The following PTPN12 variants were observed in gnomAD, a reference collection of about 807,000 sequenced individuals.
PTPN12 encodes the protein tyrosine-protein phosphatase non-receptor type 12.
Under a neutral mutation model 97.6 loss-of-function variants are expected in PTPN12, and 29 were observed. The ratio of observed to expected loss-of-function variants is 0.30; its 90% confidence interval spans 0.22 to 0.41. The LOEUF (loss-of-function observed/expected upper bound fraction) is 0.41. PTPN12 is among the 10% of genes least tolerant of loss of function. PTPN12 has a pLI of 1.00. For synonymous variants in PTPN12, 327 were observed against 300.4 expected, an observed-to-expected ratio of 1.09 and a Z score of -0.91; for missense variants, 819 against 926.0, an observed-to-expected ratio of 0.88 and a Z score of 1.50.
At chr7:77,606,911 G>GGT in intron 8 of PTPN12, 1 of 183,246 alleles carries the variant, frequency 5.5e-6, no homozygotes, top group South Asian at 1.1e-4. Context: ...ACAGTAGTGA[G>GGT]GTAGTGACTA....
chr7:77,557,920 G>C (rs1365670102), intron 1 of PTPN12, among the ~76,000 whole-genome samples: 1 of 152,058 alleles, frequency 6.6e-6, no homozygotes, highest in Admixed American at 6.5e-5. Context: ...TTCAGAAATT[G>C]AGAATAGCGG....
chr7:77,595,109 T>C (rs566602556), intron 6 of PTPN12, among the ~76,000 whole-genome samples: 22 of 152,202 alleles, frequency 1.4e-4, no homozygotes, highest in Non-Finnish European at 2.8e-4. Context: ...GAAAGGTCTC[T>C]AGATAAGTGG....
intron 13 of PTPN12, 136 bp from the exon 14 acceptor site, chr7:77,632,212 G>C (rs1019131614): frequency 1.2e-5 from 8 of 663,710 alleles, no homozygotes; most frequent in Non-Finnish European, 1.9e-5. Flanking sequence ...GAGTGGAAAA[G>C]GTTTCTTGCA....
intron 1 of PTPN12, among the ~76,000 whole-genome samples, chr7:77,569,062 A>G (rs758309487): frequency 1.1e-4 from 17 of 152,156 alleles, no homozygotes; most frequent in Non-Finnish European, 2.1e-4. Context: ...TGAACAGGCA[A>G]TACAGTCATA....
At chr7:77,612,040 A>G (rs1788587685) in intron 11 of PTPN12, among the ~76,000 whole-genome samples, 1 of 146,534 alleles carries the variant, frequency 6.8e-6, no homozygotes, top group Non-Finnish European at 1.5e-5. Flanking sequence ...TATGATAACT[A>G]TTACATTGTT....
intron 3 of PTPN12, among the ~76,000 whole-genome samples, chr7:77,582,989 G>A (rs1338165046): frequency 3.3e-5 from 5 of 151,972 alleles, no homozygotes; most frequent in African/African-American, 1.2e-4. Flanking sequence ...AAAAGTTATA[G>A]TTTTTACTTA....
At position 77,618,389 on chromosome 7, in the gene PTPN12, G is replaced by A. The variant is rs1021067694; in HGVS notation, c.940-91G>A. The A allele has an allele frequency of 1.7e-5, 14 of 842,282 alleles. No homozygotes were observed. In the South Asian group the frequency reaches 2.7e-4, roughly 16 times the overall value. 52.2% of individuals were successfully genotyped at this position (842,282 alleles called of 1,614,324 possible). ...CTTGGCAAAATTGGCATTGTTTAAG[G>A]ATTGAAAAGCACAGAAACAATTTAG... On this transcript the variant is annotated intron_variant, in intron 11 of 17. Transcript: ENST00000248594.
intron 1 of PTPN12, among the ~76,000 whole-genome samples, chr7:77,552,836 A>G (rs948540330): frequency 6.6e-6 from 1 of 152,142 alleles, no homozygotes; most frequent in African/African-American, 2.4e-5. Flanking sequence ...GATTTGAACC[A>G]CTCTCAATCT....
At chr7:77,635,753 T>C in intron 14 of PTPN12, 29 bp from the exon 15 acceptor site, 3 of 1,460,416 alleles carry the variant, frequency 2.1e-6, no homozygotes, top group Non-Finnish European at 2.8e-6. Context: ...TTCAAGGTGT[T>C]AATAACAATA....
In PTPN12 at chr7:77,618,573, A is replaced by G; in HGVS notation, c.1025+8A>G. ...ACCACCAAGGACCCGCAGGTATTGT[A>G]TGTCTTCGAACATTTTCTTTAAAAG... On this transcript the variant is annotated splice_region_variant and intron_variant, in intron 12 of 17. Transcript: ENST00000248594. 1 of 1,568,642 alleles carries G rather than the reference A, an allele frequency of 6.4e-7. No homozygotes were observed. The highest frequency in any genetic ancestry group is 8.8e-7 in the Non-Finnish European group (1 of 1,142,220).
chr7:77,571,552 C>T (rs1052113136), intron 2 of PTPN12, among the ~76,000 whole-genome samples: 1 of 152,202 alleles, frequency 6.6e-6, no homozygotes, highest in South Asian at 2.1e-4. Context: ...TATATCTATA[C>T]ATAAGAACCT....
chr7:77,601,357 A>AT (rs952174156), intron 8 of PTPN12, among the ~76,000 whole-genome samples: 15 of 151,838 alleles, frequency 9.9e-5, no homozygotes, highest in Non-Finnish European at 2.1e-4. Context: ...CACTGAACTA[A>AT]TTTTTTTTAA....
At chr7:77,555,848 G>T (rs764605651) in intron 1 of PTPN12, among the ~76,000 whole-genome samples, 1 of 151,912 alleles carries the variant, frequency 6.6e-6, no homozygotes, top group Non-Finnish European at 1.5e-5. Context: ...CCAGGAGGCG[G>T]AGCTTGCAGT....
At chr7:77,569,719 C>T (rs1289305864) in intron 1 of PTPN12, among the ~76,000 whole-genome samples, 6 of 152,048 alleles carry the variant, frequency 3.9e-5, no homozygotes, top group African/African-American at 7.3e-5. Flanking sequence ...TGCAGTGGGC[C>T]GAGATCGCAC....
chr7:77,573,921 C>T (rs192352913), intron 2 of PTPN12, among the ~76,000 whole-genome samples: 163 of 152,260 alleles, frequency 1.1e-3, no homozygotes, highest in African/African-American at 3.8e-3. Flanking sequence ...CTGCCACATC[C>T]GGCTAATTTT....
At chr7:77,558,841 T>C (rs1807853939) in intron 1 of PTPN12, among the ~76,000 whole-genome samples, 1 of 152,148 alleles carries the variant, frequency 6.6e-6, no homozygotes, top group Admixed American at 6.5e-5. Flanking sequence ...AGACCTCATC[T>C]CTACAAAACA....
chr7:77,625,468 G>GCGCTCTCTCT (rs1218191468), intron 12 of PTPN12, among the ~76,000 whole-genome samples: 36 of 24,748 alleles, frequency 1.5e-3, no homozygotes, highest in Non-Finnish European at 1.8e-3. Flanking sequence ...TGCCCAGGCT[G>GCGCTCTCTCT]CTCGCTCTCT....
Position 77,610,791 on chromosome 7 carries a change from TA to T in PTPN12, c.791del (p.Asn264IlefsTer2). On this transcript the variant is annotated frameshift_variant, in exon 10 of 18. Transcript: ENST00000248594. LOFTEE classifies it high-confidence loss of function. ...AAATACCAGAGGAATTTAATGTATT[TA>T]ATTTAATACAAGAAATGAGAACACA... ...GKIPEEFNVF[N>X]LIQEMRTQRH... The T allele has an allele frequency of 6.2e-7, 1 of 1,606,532 alleles. No individual in the cohort carries two copies. The highest frequency in any genetic ancestry group is 8.5e-7 in the Non-Finnish European group (1 of 1,177,700).
intron 1 of PTPN12, among the ~76,000 whole-genome samples, chr7:77,551,799 T>G (rs1807491637): frequency 6.6e-6 from 1 of 152,220 alleles, no homozygotes; most frequent in African/African-American, 2.4e-5. Flanking sequence ...ATCTTATACT[T>G]CTTAGTGCTT....
Sources: gnomAD v4.1 joint callset for allele counts (sites outside exome capture counted in the v4.1 genomes callset) on GRCh38, gnomAD v4.1.1 for gene constraint, MANE v1.5 for transcripts, NCBI Gene and HGNC (gene_info 2026-07-23, HGNC 2026-07-21) for gene names.